MYO1D: variants seen among roughly 807,000 people sequenced by gnomAD.
MYO1D encodes unconventional myosin-Id.
Under a neutral mutation model 122.0 loss-of-function variants are expected in MYO1D, and 83 were observed. That is an observed-to-expected ratio of 0.68 (90% CI 0.57 to 0.82). MYO1D has a LOEUF of 0.82. MYO1D is among the 40% of genes least tolerant of loss of function. The pLI is 0.00. For missense variants in MYO1D, 1,157 were observed against 1,269.5 expected (o/e 0.91, Z 1.35); for synonymous variants, 464 against 446.9 (o/e 1.04, Z -0.48).
intron 16 of MYO1D, among the ~76,000 whole-genome samples, chr17:32,681,430 C>G (rs972960846): frequency 2.8e-5 from 4 of 144,474 alleles, no homozygotes; most frequent in Non-Finnish European, 6.1e-5. Context: ...TGAATGCATC[C>G]CAGAGATTCT....
chr17:32,698,410 A>G (rs1049226609), intron 16 of MYO1D, among the ~76,000 whole-genome samples: 2 of 147,966 alleles, frequency 1.4e-5, no homozygotes, highest in African/African-American at 2.5e-5. Flanking sequence ...TAAGGACAAA[A>G]GTAATCAATT....
At chr17:32,775,822 C>A (rs766215440) in intron 4 of MYO1D, 42 bp downstream of exon 4, 1 of 1,473,952 alleles carries the variant, frequency 6.8e-7, no homozygotes, top group Non-Finnish European at 9.3e-7. Context: ...TTTAAACATT[C>A]AGCACTTAAA....
intron 1 of MYO1D, among the ~76,000 whole-genome samples, chr17:32,845,168 A>T (rs1313483041): frequency 6.6e-6 from 1 of 152,160 alleles, no homozygotes; most frequent in Non-Finnish European, 1.5e-5. Context: ...TTTTTAAAAA[A>T]ATTAAGACCA....
intron 21 of MYO1D, among the ~76,000 whole-genome samples, chr17:32,581,309 G>A (rs534617435): frequency 6.6e-6 from 1 of 151,836 alleles, no homozygotes; most frequent in African/African-American, 2.4e-5. Flanking sequence ...TTGATATTGG[G>A]AATTTGTGTC....
chr17:32,645,870 A>G (rs1229856514), intron 19 of MYO1D, among the ~76,000 whole-genome samples: 1 of 152,104 alleles, frequency 6.6e-6, no homozygotes, highest in East Asian at 1.9e-4. Context: ...AGCTCGGAGA[A>G]GTTTGATCAT....
intron 16 of MYO1D, 112 bp from the exon 17 acceptor site, chr17:32,659,450 G>GCAACT (rs1567934794): frequency 1.5e-5 from 17 of 1,096,804 alleles, no homozygotes; most frequent in Non-Finnish European, 2.7e-6. Flanking sequence ...ACTTGCAAGT[G>GCAACT]TGCACAAAAA....
intron 19 of MYO1D, among the ~76,000 whole-genome samples, chr17:32,644,093 C>T (rs1367300115): frequency 6.6e-6 from 1 of 151,986 alleles, no homozygotes; most frequent in Non-Finnish European, 1.5e-5. Context: ...TTGAATGTGT[C>T]CCAGAGATTC....
chr17:32,588,899 C>T (rs1447870955), intron 21 of MYO1D, among the ~76,000 whole-genome samples: 3 of 152,026 alleles, frequency 2.0e-5, no homozygotes, highest in Admixed American at 6.5e-5. Flanking sequence ...GCTGAGATCC[C>T]ACCACTGCAC....
In MYO1D at chr17:32,605,104, C is replaced by A; in HGVS notation, c.2847G>T (p.Leu949=). ...AACTTTACCTCTTGAAATGATTCAC[C>A]AGCACTCCAACAAGTTCTCCAATTC... ...ESRIGELVGV[L]VNHFKSEKRH... is the part of the protein sequence containing the mutation. The change falls in exon 21 of 22, where the codon CTG becomes CTT. Residue 949 remains leucine (L), a synonymous_variant. Transcript: ENST00000318217. 1 of 1,595,174 alleles carries A rather than the reference C, an allele frequency of 6.3e-7. No homozygotes were observed. Among genetic ancestry groups the A allele is most frequent in the South Asian group, 1.1e-5 (1 of 89,058 alleles).
chr17:32,511,477 G>A lies in MYO1D; in HGVS notation c.2865-16562C>T, dbSNP rs538844464. Among the ~76,000 whole-genome samples the A allele has an allele frequency of 5.3e-5, 8 of 152,136 alleles. No homozygotes were observed. In the East Asian group the frequency reaches 1.4e-3, roughly 26 times the overall value. ...CTGGTTTGGCCTCCCAAAGTGCTGA[G>A]ATTACAGGCCAGAGCAACCATATCC... On this transcript the variant is annotated intron_variant, in intron 21 of 21. Coordinates refer to ENST00000318217, the MANE Select transcript of MYO1D (RefSeq NM_015194.3).
intron 1 of MYO1D, among the ~76,000 whole-genome samples, chr17:32,810,567 T>A (rs1056348297): frequency 6.6e-6 from 1 of 151,780 alleles, no homozygotes; most frequent in East Asian, 1.9e-4. Context: ...AATCTCTGCC[T>A]CCTGGGTTCA....
chr17:32,618,716 C>T (rs936259895), intron 20 of MYO1D, among the ~76,000 whole-genome samples: 1 of 151,298 alleles, frequency 6.6e-6, no homozygotes, highest in African/African-American at 2.4e-5. Context: ...CTCACTGCAA[C>T]CTCCGACTCC....
chr17:32,633,267 G>C (rs898467634), intron 20 of MYO1D, among the ~76,000 whole-genome samples: 25 of 151,622 alleles, frequency 1.6e-4, no homozygotes, highest in Middle Eastern at 6.8e-3. Context: ...TAAATGAAAA[G>C]ATAACAAAAT....
chr17:32,770,730 G>C (rs1435553239), intron 6 of MYO1D, among the ~76,000 whole-genome samples: 2 of 152,132 alleles, frequency 1.3e-5, no homozygotes, highest in African/African-American at 2.4e-5. Context: ...AGTGAGTGGA[G>C]AATCAAAGTG....
At chr17:32,673,740 C>T (rs1021949591) in intron 16 of MYO1D, among the ~76,000 whole-genome samples, 5 of 152,152 alleles carry the variant, frequency 3.3e-5, no homozygotes, top group African/African-American at 9.7e-5. Flanking sequence ...TAATTGTTTC[C>T]AGTTTCCAGA....
chr17:32,765,411 T>C (rs138525951), intron 7 of MYO1D, among the ~76,000 whole-genome samples: 81 of 152,292 alleles, frequency 5.3e-4, no homozygotes, highest in African/African-American at 1.9e-3. Flanking sequence ...TTTGATGCTT[T>C]CCTCTAATGC....
chr17:32,520,929 C>T (rs537207703), intron 21 of MYO1D, among the ~76,000 whole-genome samples: 56 of 152,158 alleles, frequency 3.7e-4, no homozygotes, highest in Non-Finnish European at 7.1e-4. Flanking sequence ...TTGGGAATGG[C>T]AGGGGGTGGA....
intron 21 of MYO1D, among the ~76,000 whole-genome samples, chr17:32,597,482 A>G (rs1048450691): frequency 1.8e-5 from 2 of 110,250 alleles, no homozygotes; most frequent in Non-Finnish European, 4.1e-5. Context: ...GCATATCACC[A>G]TTTTTGTAAA....
At chr17:32,647,381 C>T (rs891528329) in intron 19 of MYO1D, among the ~76,000 whole-genome samples, 5 of 152,140 alleles carry the variant, frequency 3.3e-5, no homozygotes, top group Non-Finnish European at 7.4e-5. Context: ...GAGTATTTTG[C>T]TTTGAACTTG....
Sources: allele counts gnomAD v4.1 joint callset (sites outside exome capture counted in the v4.1 genomes callset), GRCh38; gene constraint gnomAD v4.1.1; transcripts MANE v1.5; gene names NCBI Gene and HGNC (gene_info 2026-07-23, HGNC 2026-07-21).